Variants in CACNB2 observed in about 807,000 individuals in gnomAD.
The protein encoded by CACNB2 is calcium voltage-gated channel auxiliary subunit beta 2, also known as voltage-dependent L-type calcium channel subunit beta-2.
CACNB2 carries 42 observed loss-of-function variants against 73.3 expected under a neutral mutation model. That is an observed-to-expected ratio of 0.57 (90% CI 0.45 to 0.74). CACNB2 has a LOEUF of 0.74. CACNB2 is among the 30% of genes least tolerant of loss of function. The pLI is 0.00. For synonymous variants in CACNB2, 348 were observed against 310.3 expected (o/e 1.12, Z -1.28); for missense variants, 940 against 853.0 (o/e 1.10, Z -1.27).
chr10:18,328,865 GA>G (rs1371710177), intron 2 of CACNB2, among the ~76,000 whole-genome samples: 4 of 152,128 alleles, frequency 2.6e-5, no homozygotes, highest in African/African-American at 9.7e-5. Flanking sequence ...AGAGAATAAG[GA>G]AACACAAAAC....
intron 3 of CACNB2, among the ~76,000 whole-genome samples, chr10:18,430,237 T>C (rs1349182318): frequency 6.6e-6 from 1 of 151,720 alleles, no homozygotes; most frequent in Non-Finnish European, 1.5e-5. Context: ...TACTAGAAAA[T>C]ATTGAGACGC....
intron 2 of CACNB2, among the ~76,000 whole-genome samples, chr10:18,384,751 A>C (rs2043154675): frequency 6.8e-6 from 1 of 146,046 alleles, no homozygotes; most frequent in South Asian, 2.3e-4. Context: ...AACAAACAAA[A>C]AACAAAAAAA....
chr10:18,432,448 CTCTG>C (rs1165044589), intron 3 of CACNB2, among the ~76,000 whole-genome samples: 5 of 48,662 alleles, frequency 1.0e-4, no homozygotes, highest in East Asian at 8.1e-4. Flanking sequence ...ATGTGTGTGT[CTCTG>C]TGTGTGTGTG....
intron 2 of CACNB2, among the ~76,000 whole-genome samples, chr10:18,342,615 C>T (rs1318504841): frequency 6.6e-6 from 1 of 152,126 alleles, no homozygotes; most frequent in African/African-American, 2.4e-5. Context: ...CTGGCTACCT[C>T]TCATTTTAAC....
chr10:18,335,129 T>TAA (rs569772641), intron 2 of CACNB2, among the ~76,000 whole-genome samples: 39 of 144,204 alleles, frequency 2.7e-4, no homozygotes, highest in Non-Finnish European at 5.2e-4. Flanking sequence ...GTATGAAAAG[T>TAA]AAAAAAAAAA....
intron 5 of CACNB2, among the ~76,000 whole-genome samples, chr10:18,506,234 C>T (rs952837144): frequency 2.0e-5 from 3 of 152,218 alleles, no homozygotes; most frequent in African/African-American, 7.2e-5. Flanking sequence ...TACACTGGTT[C>T]TCTTCCATTC....
intron 2 of CACNB2, among the ~76,000 whole-genome samples, chr10:18,281,689 G>A (rs1401594300): frequency 6.6e-6 from 1 of 152,092 alleles, no homozygotes; most frequent in African/African-American, 2.4e-5. Flanking sequence ...GGATGTTTCT[G>A]GGAGACAGAG....
intron 2 of CACNB2, among the ~76,000 whole-genome samples, chr10:18,278,562 ATTTTATCT>A (rs2038398481): frequency 6.6e-6 from 1 of 152,140 alleles, no homozygotes; most frequent in Non-Finnish European, 1.5e-5. Context: ...AAATATGATG[ATTTTATCT>A]TTTTCTATTT....
chr10:18,498,426 G>A lies in CACNB2; in HGVS notation c.405G>A (p.Val135=), dbSNP rs545297104. 1.2e-6 allele frequency: 2 copies of A among 1,614,028 alleles called. No individual in the cohort carries two copies. Among genetic ancestry groups the A allele is most frequent in the South Asian group, 2.2e-5 (2 of 91,082 alleles). The change falls in exon 4 of 14, where the codon GTG becomes GTA. Residue 135 remains valine, a synonymous_variant. Coordinates refer to ENST00000324631, the MANE Select transcript of CACNB2 (RefSeq NM_201596.3). Reference sequence around the variant, plus strand: ...CGGCCCATGAAGATGATGTTCCAGTGCCTGGCATGGCCATCTCATTCGAAG... The same window carrying A: ...CGGCCCATGAAGATGATGTTCCAGTACCTGGCATGGCCATCTCATTCGAAG... ...YSAAHEDDVP[V]PGMAISFEAK...
At chr10:18,203,391 C>G (rs984827909) in intron 2 of CACNB2, among the ~76,000 whole-genome samples, 2 of 152,128 alleles carry the variant, frequency 1.3e-5, no homozygotes, top group African/African-American at 4.8e-5. Flanking sequence ...GTCACTTTTC[C>G]TTGTTTGATA....
chr10:18,284,058 C>A (rs1266227009), intron 2 of CACNB2, among the ~76,000 whole-genome samples: 1 of 151,060 alleles, frequency 6.6e-6, no homozygotes, highest in Non-Finnish European at 1.5e-5. Context: ...GTGATTAAAA[C>A]CTTAAAAAAA....
chr10:18,167,448 C>T (rs1740336314), intron 2 of CACNB2, among the ~76,000 whole-genome samples: 1 of 152,050 alleles, frequency 6.6e-6, no homozygotes, highest in Non-Finnish European at 1.5e-5. Context: ...TTCCCTGAGT[C>T]TAAAATAAGA....
intron 2 of CACNB2, among the ~76,000 whole-genome samples, chr10:18,375,690 T>A (rs1056528643): frequency 2.6e-5 from 4 of 152,212 alleles, no homozygotes; most frequent in Non-Finnish European, 5.9e-5. Flanking sequence ...GGCCTGAGCA[T>A]GTTTATTCAT....
chr10:18,473,500 G>A (rs1301856006), intron 3 of CACNB2, among the ~76,000 whole-genome samples: 3 of 152,126 alleles, frequency 2.0e-5, no homozygotes, highest in African/African-American at 7.2e-5. Flanking sequence ...AATCACCAGT[G>A]CTAGTTTACT....
chr10:18,161,948 A>C (rs773369175), intron 2 of CACNB2, among the ~76,000 whole-genome samples: 1 of 152,136 alleles, frequency 6.6e-6, no homozygotes, highest in Non-Finnish European at 1.5e-5. Context: ...ATAATAAAAT[A>C]AAATGTAAAA....
rs779834983 is a variant in CACNB2 at position 18,260,450 on chromosome 10, G to A, written c.213+109475G>A. 4.1e-6 allele frequency: 4 copies of A among 985,178 alleles called. No homozygotes were observed. In the African/African-American group the frequency reaches 5.2e-5, roughly 13 times the overall value. The allele number at this position is 985,178 out of a possible 1,614,324, so 61.0% of individuals were successfully genotyped here. On this transcript the variant is annotated intron_variant, in intron 2 of 13. Transcript: ENST00000324631. ...ACCCAGAAAATGAACATTTGCCAGC[G>A]AGCACCAAACAACTGTGCGCCGCAG...
At chr10:18,364,110 T>C (rs553031688) in intron 2 of CACNB2, among the ~76,000 whole-genome samples, 3 of 150,756 alleles carry the variant, frequency 2.0e-5, no homozygotes, top group East Asian at 4.0e-4. Flanking sequence ...CCACACCCAG[T>C]TGATTTTGTA....
chr10:18,148,263 C>T (rs1032760379), intron 1 of CACNB2, among the ~76,000 whole-genome samples: 1 of 152,124 alleles, frequency 6.6e-6, no homozygotes, highest in Non-Finnish European at 1.5e-5. Context: ...AATAAATCAT[C>T]CCTTATACAC....
At position 18,364,559 on chromosome 10, in the gene CACNB2, C is replaced by G. The variant is rs61839212; in HGVS notation, c.214-37365C>G. ...AAGTGATCCACCCACCTTGGCCTCC[C>G]AAAGTGCTGAGATTACAGGCATGAG... On this transcript the variant is annotated intron_variant, in intron 2 of 13. Coordinates refer to ENST00000324631, the MANE Select transcript of CACNB2 (RefSeq NM_201596.3). Among the ~76,000 whole-genome samples the G allele has an allele frequency of 2.0e-3, 312 of 152,234 alleles. 1 individual carries two copies. Among genetic ancestry groups the G allele is most frequent in the Non-Finnish European group, 3.6e-3 (242 of 68,012 alleles).
Sources: allele counts gnomAD v4.1 joint callset (sites outside exome capture counted in the v4.1 genomes callset), GRCh38; gene constraint gnomAD v4.1.1; transcripts MANE v1.5; gene names NCBI Gene and HGNC (gene_info 2026-07-23, HGNC 2026-07-21).